Variants in PLAAT3 observed in about 807,000 individuals in gnomAD.
PLAAT3 encodes phospholipase A and acyltransferase 3.
Under a neutral mutation model 16.7 loss-of-function variants are expected in PLAAT3, and 21 were observed. That is an observed-to-expected ratio of 1.26 (90% CI 0.89 to 1.81). PLAAT3 has a LOEUF of 1.81. Among genes scored for constraint, PLAAT3 ranks in the 40% most tolerant of loss-of-function variants. PLAAT3 has a pLI of 0.00. For missense variants in PLAAT3, 219 were observed against 213.7 expected, an observed-to-expected ratio of 1.02 and a Z score of -0.16; for synonymous variants, 76 against 81.7, an observed-to-expected ratio of 0.93 and a Z score of 0.38.
In PLAAT3 at chr11:63,607,252, G is replaced by A. The variant is rs1384108404; in HGVS notation, c.15+6748C>T. The stretch of plus-strand genomic sequence containing the variant: ...CAGCGGGTATCCCAACGAGAGGCGG[G>A]GACACAGCGCACACATCAGTATGGA... On this transcript the variant is annotated intron_variant, in intron 2 of 4. Coordinates refer to ENST00000415826, the MANE Select transcript of PLAAT3 (RefSeq NM_001128203.2). Among the ~76,000 whole-genome samples, 3 of 152,154 alleles carry A rather than the reference G, an allele frequency of 2.0e-5. No individual in the cohort carries two copies. The East Asian group carries it at 5.8e-4, about 29-fold the overall frequency.
intron 2 of PLAAT3, among the ~76,000 whole-genome samples, chr11:63,604,911 A>G (rs892714129): frequency 1.3e-5 from 2 of 152,214 alleles, no homozygotes; most frequent in African/African-American, 4.8e-5. Context: ...ACAAGCAAAA[A>G]GACTAGAAAG....
rs944936987 is a variant in PLAAT3 at position 63,590,895 on chromosome 11, GC to G, written c.119-528del. 9.7e-4 allele frequency among the ~76,000 whole-genome samples: 147 copies of G among 152,290 alleles called. 1 individual carries two copies. Among genetic ancestry groups the G allele is most frequent in the African/African-American group, 3.2e-3 (135 of 41,558 alleles). On this transcript the variant is annotated intron_variant, in intron 3 of 4. Coordinates refer to ENST00000415826, the MANE Select transcript of PLAAT3 (RefSeq NM_001128203.2). ...TAGTGGGTACATGGGCACAGCCCAG[GC>G]CAAGGCCCAGGGCAAGGAAGGGCCA...
intron 3 of PLAAT3, among the ~76,000 whole-genome samples, chr11:63,595,938 G>A (rs1938275787): frequency 6.6e-6 from 1 of 152,072 alleles, no homozygotes; most frequent in Admixed American, 6.6e-5. Flanking sequence ...GGAGCTTTAC[G>A]CTTAAGAGTT....
At chr11:63,602,451 C>T (rs1162114742) in intron 2 of PLAAT3, among the ~76,000 whole-genome samples, 1 of 151,936 alleles carries the variant, frequency 6.6e-6, no homozygotes, top group Non-Finnish European at 1.5e-5. Context: ...TACACGTCAC[C>T]CATCTCAGCT....
At chr11:63,602,343 T>C (rs1272301987) in intron 2 of PLAAT3, among the ~76,000 whole-genome samples, 1 of 151,810 alleles carries the variant, frequency 6.6e-6, no homozygotes, top group East Asian at 1.9e-4. Context: ...CAGGGGAGTC[T>C]TGTAGGGACC....
At chr11:63,614,641 C>T (rs1938787684), upstream of PLAAT3, among the ~76,000 whole-genome samples, 1 of 152,156 alleles carries the variant, frequency 6.6e-6, no homozygotes, top group Non-Finnish European at 1.5e-5. Context: ...GCACACACAT[C>T]ACACTGCAGG....
At chr11:63,576,096 C>A (rs954123072) in intron 4 of PLAAT3, among the ~76,000 whole-genome samples, 1 of 152,172 alleles carries the variant, frequency 6.6e-6, no homozygotes, top group African/African-American at 2.4e-5. Context: ...CAGAACTTTA[C>A]GCTCCACACA....
chr11:63,610,049 G>T (rs1360907893), intron 2 of PLAAT3, among the ~76,000 whole-genome samples: 1 of 152,182 alleles, frequency 6.6e-6, no homozygotes, highest in Admixed American at 6.5e-5. Context: ...AGGTCTCGGA[G>T]CTCCCCGAAA....
rs560369667 is a variant in PLAAT3, at chr11:63,610,847, C to T, written c.15+3153G>A. On this transcript the variant is annotated intron_variant, in intron 2 of 4. Coordinates refer to ENST00000415826, the MANE Select transcript of PLAAT3 (RefSeq NM_001128203.2). ...GGTGGAGGAGGGAAGGGAAAGGCTC[C>T]CCGCCCACTCATTCTAGCAAATTTG... is the stretch of plus-strand genomic sequence containing the variant. 2.0e-5 allele frequency among the ~76,000 whole-genome samples: 3 copies of T among 152,092 alleles called. No individual in the cohort carries two copies. The South Asian group carries it at 6.2e-4, about 32-fold the overall frequency.
Position 63,613,858 on chromosome 11 carries a change from G to T in PLAAT3, c.15+142C>A. 4 of 647,488 alleles carry T rather than the reference G, an allele frequency of 6.2e-6. No individual in the cohort carries two copies. The South Asian group carries it at 7.1e-5, about 12-fold the overall frequency. 40.1% of individuals were successfully genotyped at this position (647,488 alleles called of 1,614,324 possible). A position where few individuals can be genotyped will look rare whatever the true frequency, so the allele number is the denominator to read the frequency against. ...TGCGCGCCGACCCGCAGCTGACACCGATGCCTCGCAGCTGACAGAGGTGCG... is the reference window on the plus strand; with the variant it reads ...TGCGCGCCGACCCGCAGCTGACACCTATGCCTCGCAGCTGACAGAGGTGCG... On this transcript the variant is annotated intron_variant, in intron 2 of 4. Coordinates refer to ENST00000415826, the MANE Select transcript of PLAAT3 (RefSeq NM_001128203.2).
upstream of PLAAT3, among the ~76,000 whole-genome samples, chr11:63,615,218 GTGTATATA>G (rs1279854625): frequency 4.9e-5 from 3 of 60,788 alleles, no homozygotes; most frequent in African/African-American, 1.7e-4. Context: ...GTATATATAT[GTGTATATA>G]TGTGTATATA....
At chr11:63,603,917 C>T (rs185107678) in intron 2 of PLAAT3, among the ~76,000 whole-genome samples, 93 of 152,266 alleles carry the variant, frequency 6.1e-4, no homozygotes, top group African/African-American at 1.8e-3. Context: ...TTTGGGAGGC[C>T]AAGGTGGGTG....
intron 4 of PLAAT3, among the ~76,000 whole-genome samples, chr11:63,581,128 A>T (rs1394975865): frequency 6.6e-6 from 1 of 152,260 alleles, no homozygotes; most frequent in Non-Finnish European, 1.5e-5. Flanking sequence ...CCACTATTGT[A>T]CAAACTGATT....
intron 4 of PLAAT3, among the ~76,000 whole-genome samples, chr11:63,582,947 A>T (rs900544776): frequency 6.6e-6 from 1 of 152,130 alleles, no homozygotes; most frequent in African/African-American, 2.4e-5. Context: ...CCTGACCAAC[A>T]TGGTGAAACC....
At chr11:63,583,032 G>A (rs984449261) in intron 4 of PLAAT3, among the ~76,000 whole-genome samples, 18 of 152,138 alleles carry the variant, frequency 1.2e-4, no homozygotes, top group Non-Finnish European at 2.6e-4. Flanking sequence ...TCAGAAGGCT[G>A]AGGCAGGAGA....
At chr11:63,614,129 C>T (rs560941558) in intron 1 of PLAAT3, 61 bp from the exon 2 acceptor site, 176 of 1,419,118 alleles carry the variant, frequency 1.2e-4, no homozygotes, top group Non-Finnish European at 1.6e-4. Context: ...CCAGACCCCA[C>T]GGGACTGCGG....
upstream of PLAAT3, among the ~76,000 whole-genome samples, chr11:63,615,610 C>T (rs915686368): frequency 2.0e-5 from 3 of 151,666 alleles, no homozygotes; most frequent in Admixed American, 6.6e-5. Flanking sequence ...GATGTTGAGA[C>T]GGAAAGAATT....
chr11:63,602,954 C>G (rs663053), intron 2 of PLAAT3, among the ~76,000 whole-genome samples: 149,437 of 152,216 alleles, frequency 0.98, 73,427 homozygotes, highest in East Asian at 1. Context: ...TTAGCCACGC[C>G]TGTTGGCAGG....
intron 4 of PLAAT3, among the ~76,000 whole-genome samples, chr11:63,584,536 CAG>C (rs1365034852): frequency 1.4e-5 from 2 of 138,452 alleles, no homozygotes; most frequent in Non-Finnish European, 3.1e-5. Context: ...TTTTTTGAGA[CAG>C]AGTCTTGCTC....
Sources: allele counts gnomAD v4.1 joint callset (sites outside exome capture counted in the v4.1 genomes callset), GRCh38; gene constraint gnomAD v4.1.1; transcripts MANE v1.5; gene names NCBI Gene and HGNC (gene_info 2026-07-23, HGNC 2026-07-21).